FMN1: variants seen among roughly 807,000 people sequenced by gnomAD.
FMN1 encodes the protein formin-1.
FMN1 carries 110 observed loss-of-function variants against 132.4 expected under a neutral mutation model. The ratio of observed to expected loss-of-function variants is 0.83; its 90% CI spans 0.71 to 0.97. The LOEUF is 0.97. FMN1 is among the 50% of genes least tolerant of loss of function. FMN1 has a pLI of 0.00. For missense variants in FMN1, 1,792 were observed against 1,705.3 expected (o/e 1.05, Z -0.90); for synonymous variants, 722 against 651.7 (o/e 1.11, Z -1.64).
chr15:32,892,398 G>T (rs192843602), intron 15 of FMN1, among the ~76,000 whole-genome samples: 86 of 152,200 alleles, frequency 5.7e-4, no homozygotes, highest in African/African-American at 2.0e-3. Flanking sequence ...CTGCATCCCT[G>T]GTATGAAACC....
At chr15:32,823,370 T>C (rs1018895630) in intron 17 of FMN1, among the ~76,000 whole-genome samples, 22 of 152,104 alleles carry the variant, frequency 1.4e-4, no homozygotes, top group African/African-American at 5.3e-4. Context: ...TTCACGGTGT[T>C]AGCCAGGAAG....
intron 4 of FMN1, among the ~76,000 whole-genome samples, chr15:33,140,193 AACACACACACACACAC>A (rs61485667): frequency 9.1e-5 from 13 of 142,966 alleles, no homozygotes; most frequent in Middle Eastern, 3.5e-3. Context: ...CCTATGGTTA[AACACACACACACACAC>A]ACACACACAC....
Position 32,979,340 on chromosome 15 carries a change from G to A in FMN1, c.2224-9863C>T, listed in dbSNP as rs548473472. Reference sequence around the variant, plus strand: ...GGAGGCTGAGGTGGGCAGATCACGAGGTCAGGAGATCGAGACCATCCTGGC... The same window carrying A: ...GGAGGCTGAGGTGGGCAGATCACGAAGTCAGGAGATCGAGACCATCCTGGC... On this transcript the variant is annotated intron_variant, in intron 7 of 20. Coordinates refer to ENST00000616417, the MANE Select transcript of FMN1 (RefSeq NM_001277313.2). Among the ~76,000 whole-genome samples the A allele has an allele frequency of 3.9e-5, 6 of 152,186 alleles. No individual in the cohort carries two copies. In the South Asian group the frequency reaches 6.2e-4, roughly 16 times the overall value.
At chr15:32,918,066 TAATC>T (rs1480884450) in intron 10 of FMN1, among the ~76,000 whole-genome samples, 2 of 151,606 alleles carry the variant, frequency 1.3e-5, no homozygotes, top group Non-Finnish European at 2.9e-5. Context: ...TCTTCAAAAA[TAATC>T]AATATTGCAG....
chr15:32,795,395 TA>T (rs2057249071), intron 19 of FMN1, among the ~76,000 whole-genome samples: 1 of 152,132 alleles, frequency 6.6e-6, no homozygotes, highest in Non-Finnish European at 1.5e-5. Context: ...TGAGGGGCAC[TA>T]TGGCAGAAGG....
intron 19 of FMN1, 131 bp downstream of exon 19, chr15:32,798,673 G>A (rs1276896566): frequency 7.4e-6 from 6 of 805,570 alleles, no homozygotes; most frequent in Non-Finnish European, 1.1e-5. Flanking sequence ...GAGGCAAAAA[G>A]TCCTTCCCCT....
chr15:32,936,695 GAGA>G (rs1198560561), intron 9 of FMN1, among the ~76,000 whole-genome samples: 1 of 151,808 alleles, frequency 6.6e-6, no homozygotes, highest in Non-Finnish European at 1.5e-5. Context: ...AGGAAGGAAG[GAGA>G]AGAAAGAAGG....
intron 7 of FMN1, among the ~76,000 whole-genome samples, chr15:32,989,296 T>C (rs1368576649): frequency 6.6e-6 from 1 of 152,174 alleles, no homozygotes; most frequent in Non-Finnish European, 1.5e-5. Context: ...CTTTCATAAT[T>C]ATAATGTGAG....
chr15:33,061,031 G>T (rs1009950928), intron 6 of FMN1, among the ~76,000 whole-genome samples: 3 of 152,188 alleles, frequency 2.0e-5, no homozygotes, highest in African/African-American at 7.2e-5. Context: ...TGAGTGTTCG[G>T]AACAGGTTCT....
intron 7 of FMN1, among the ~76,000 whole-genome samples, chr15:32,984,292 G>A (rs927787267): frequency 6.6e-6 from 1 of 152,020 alleles, no homozygotes; most frequent in Non-Finnish European, 1.5e-5. Flanking sequence ...TTATGCAATA[G>A]ATTAATATTT....
At chr15:32,836,162 G>T (rs959176092) in intron 17 of FMN1, among the ~76,000 whole-genome samples, 6 of 151,970 alleles carry the variant, frequency 3.9e-5, no homozygotes, top group African/African-American at 1.5e-4. Flanking sequence ...CTCACAGCTG[G>T]GATTACAAGG....
intron 4 of FMN1, among the ~76,000 whole-genome samples, chr15:33,107,674 G>A (rs540455115): frequency 9.9e-5 from 15 of 152,100 alleles, no homozygotes; most frequent in East Asian, 9.7e-4. Context: ...AATATCCTTC[G>A]AGCAGAAAGG....
At chr15:32,948,114 A>C (rs765601413) in intron 9 of FMN1, among the ~76,000 whole-genome samples, 2 of 151,978 alleles carry the variant, frequency 1.3e-5, no homozygotes, top group Non-Finnish European at 2.9e-5. Flanking sequence ...ATTCCCTTAC[A>C]ATCTTAGTTA....
rs1199777959 is a variant in FMN1 at position 32,771,619 on chromosome 15, T to C, written c.*2691A>G. On this transcript the variant is annotated 3_prime_UTR_variant, in exon 21 of 21. Transcript: ENST00000616417. ...CAGGTGTGTCTGGTTAGATGCAGCA[T>C]AGCAAACTGGTTACTCTCCTTTCTA... 1.3e-5 allele frequency: 2 copies of C among 152,194 alleles called. No individual in the cohort carries two copies. 9.4% of individuals were successfully genotyped at this position (152,194 alleles called of 1,614,324 possible). A position where few individuals can be genotyped will look rare whatever the true frequency, so the allele number is the denominator to read the frequency against.
intron 16 of FMN1, among the ~76,000 whole-genome samples, chr15:32,881,180 T>G (rs1429017704): frequency 2.6e-5 from 4 of 152,210 alleles, no homozygotes; most frequent in Non-Finnish European, 4.4e-5. Flanking sequence ...AATTAGGAAC[T>G]CATCCAACAT....
chr15:32,935,252 AC>A (rs2061236142), intron 9 of FMN1, among the ~76,000 whole-genome samples: 3 of 152,066 alleles, frequency 2.0e-5, no homozygotes, highest in African/African-American at 7.2e-5. Flanking sequence ...TAGTTTTCTT[AC>A]TTGGTAATTT....
intron 2 of FMN1, among the ~76,000 whole-genome samples, chr15:33,191,665 C>A (rs1030399088): frequency 2.0e-5 from 3 of 152,240 alleles, no homozygotes; most frequent in Non-Finnish European, 4.4e-5. Flanking sequence ...TATGCGCTGA[C>A]AAGGTAAAGA....
chr15:33,057,839 G>GA lies in FMN1; in HGVS notation c.2161+7117dup, dbSNP rs1230520462. On this transcript the variant is annotated intron_variant, in intron 6 of 20. Coordinates refer to ENST00000616417, the MANE Select transcript of FMN1 (RefSeq NM_001277313.2). ...AGAAATAATTTGTTCTACAAAAGAAGAAAAAATTGTTATTTACAATTTCCC... is the reference window on the plus strand; with the variant it reads ...AGAAATAATTTGTTCTACAAAAGAAGAAAAAAATTGTTATTTACAATTTCCC... 2.6e-5 allele frequency among the ~76,000 whole-genome samples: 4 copies of GA among 152,080 alleles called. No homozygotes were observed. The East Asian group carries it at 5.8e-4, about 22-fold the overall frequency.
chr15:32,899,993 C>T lies in FMN1; in HGVS notation c.3640G>A (p.Asp1214Asn). The T allele has an allele frequency of 6.2e-7, 1 of 1,613,622 alleles. No homozygotes were observed. Among genetic ancestry groups the T allele is most frequent in the Non-Finnish European group, 8.5e-7 (1 of 1,179,810 alleles). Reference sequence around the variant, plus strand: ...AAAATAAATACCCGACTTTTGACATCCTTGAGTTTGGGCAGAATTTCTAAG... The same window carrying T: ...AAAATAAATACCCGACTTTTGACATTCTTGAGTTTGGGCAGAATTTCTAAG... ...YSLEILPKLK[D>N]VKSRDNGINL... The change falls in exon 14 of 21, where the codon GAT (aspartate) becomes AAT (asparagine). Residue 1214 changes from aspartate to asparagine, a missense_variant. This residue lies in a region of FMN1 where 1,150 missense variants were observed against 1,043.1 expected (regional missense o/e 1.10). Transcript: ENST00000616417.
Sources: allele counts gnomAD v4.1 joint callset (sites outside exome capture counted in the v4.1 genomes callset), GRCh38; gene constraint gnomAD v4.1.1; regional missense constraint gnomAD v4.1.1; transcripts MANE v1.5; gene names NCBI Gene and HGNC (gene_info 2026-07-23, HGNC 2026-07-21).